TEKT3: variants seen among roughly 807,000 people sequenced by gnomAD.
TEKT3 encodes the protein tektin-3.
TEKT3 carries 49 observed loss-of-function variants against 49.8 expected under a neutral mutation model. That is an observed-to-expected ratio of 0.98 (90% CI 0.78 to 1.25). The LOEUF is 1.25. Ranked by LOEUF, TEKT3 falls within the 50% of genes most tolerant of loss-of-function variation. The pLI is 0.00. For missense variants in TEKT3, 595 were observed against 629.5 expected, an observed-to-expected ratio of 0.95 and a Z score of 0.59; for synonymous variants, 225 against 237.2, an observed-to-expected ratio of 0.95 and a Z score of 0.47.
At position 15,304,198 on chromosome 17, in the gene TEKT3, C is replaced by T. The variant is rs11867189; in HGVS notation, c.1257-46G>A. ...CATGGTTAGGTCAGCATGTAGCTTA[C>T]GCAACTCCAAGTACATCACATTGTA... On this transcript the variant is annotated intron_variant, in intron 8 of 8. Coordinates refer to ENST00000395930, the MANE Select transcript of TEKT3 (RefSeq NM_031898.3). This position sits in a 1 kb window ranked among gnomAD's most constrained non-coding sequence, Gnocchi z 4.7. 14,590 of 1,592,986 alleles carry T rather than the reference C, an allele frequency of 9.2e-3. 947 individuals carry two copies. In the African/African-American group the frequency reaches 0.15, roughly 17 times the overall value.
At chr17:15,337,858 A>C (rs1912054257) in intron 2 of TEKT3, among the ~76,000 whole-genome samples, 1 of 152,198 alleles carries the variant, frequency 6.6e-6, no homozygotes. Flanking sequence ...AAGAAAAAAG[A>C]AATAAATAAA....
At chr17:15,338,570 G>C (rs1188592466) in intron 2 of TEKT3, 1 of 145,338 alleles carries the variant, frequency 6.9e-6, no homozygotes. Flanking sequence ...GTGGCGCCAA[G>C]ATGGCGCCAC....
intron 3 of TEKT3, 148 bp from the exon 4 acceptor site, chr17:15,328,223 T>G: frequency 1.6e-6 from 1 of 629,830 alleles, no homozygotes; most frequent in Non-Finnish European, 2.8e-6. Flanking sequence ...TGAAACAGAC[T>G]GTAACAACTA....
At chr17:15,326,789 T>A (rs1009510643) in intron 4 of TEKT3, among the ~76,000 whole-genome samples, 1 of 152,178 alleles carries the variant, frequency 6.6e-6, no homozygotes, top group Non-Finnish European at 1.5e-5. Context: ...TCCAGGTACA[T>A]GATACTTGAA....
intron 2 of TEKT3, among the ~76,000 whole-genome samples, chr17:15,337,587 T>C (rs556625461): frequency 3.0e-4 from 45 of 152,330 alleles, no homozygotes; most frequent in African/African-American, 1.1e-3. Flanking sequence ...CTCACGCCTG[T>C]AATCCCAGCA....
chr17:15,304,099 C>T lies in TEKT3; in HGVS notation c.1310G>A (p.Arg437His), dbSNP rs1179637579. 3.1e-6 allele frequency: 5 copies of T among 1,614,032 alleles called. No individual in the cohort carries two copies. Among genetic ancestry groups the T allele is most frequent in the Non-Finnish European group, 4.2e-6 (5 of 1,180,042 alleles). ...VDDTIQTLQQ[R>H]LRDAEDTLQS... ...CAGGGTGTCCTCTGCATCCCTCAGG[C>T]GCTGCTGCAGGGTCTGGATGGTGTC... The change falls in exon 9 of 9, where the codon CGC becomes CAC. Residue 437 changes from arginine to histidine, a missense_variant. Physicochemically the swap from Arg to His is conservative, Grantham distance 29. Coordinates refer to ENST00000395930, the MANE Select transcript of TEKT3 (RefSeq NM_031898.3). The surrounding 1 kb of genome is among the most constrained non-coding windows in gnomAD (Gnocchi z 4.7).
Position 15,318,973 on chromosome 17 carries a change from C to CTG in TEKT3, c.734+102_734+103dup. On this transcript the variant is annotated intron_variant, in intron 5 of 8. Transcript: ENST00000395930. ...TTTGAATAAAAATATGTGTATATGC[C>CTG]TGTGTGTGTGTCCTTATAAGAAATT... 4.7e-6 allele frequency: 4 copies of CTG among 851,096 alleles called. No individual in the cohort carries two copies. In the South Asian group the frequency reaches 5.7e-5, roughly 12 times the overall value. The allele number at this position is 851,096 out of a possible 1,614,324, so 52.7% of individuals were successfully genotyped here. A position where few individuals can be genotyped will look rare whatever the true frequency, so the allele number is the denominator to read the frequency against.
intron 5 of TEKT3, among the ~76,000 whole-genome samples, chr17:15,317,971 G>A (rs1353563415): frequency 6.8e-6 from 1 of 147,810 alleles, no homozygotes; most frequent in Admixed American, 6.9e-5. Flanking sequence ...TGCAGAGGTC[G>A]GATCTCTTTT....
chr17:15,316,521 G>A (rs1190786107), intron 5 of TEKT3, among the ~76,000 whole-genome samples: 3 of 152,202 alleles, frequency 2.0e-5, no homozygotes, highest in Non-Finnish European at 4.4e-5. Context: ...TACAATGTGC[G>A]GTGCTCCAGT....
At chr17:15,312,696 G>C (rs1286284671) in intron 6 of TEKT3, among the ~76,000 whole-genome samples, 2 of 152,168 alleles carry the variant, frequency 1.3e-5, no homozygotes, top group Non-Finnish European at 2.9e-5. Context: ...TAAAGCGTAA[G>C]CTGGTTCTTC....
chr17:15,305,025 T>A (rs1910485719), intron 8 of TEKT3, among the ~76,000 whole-genome samples: 1 of 152,196 alleles, frequency 6.6e-6, no homozygotes, highest in South Asian at 2.1e-4. Flanking sequence ...CAGCCGCTCC[T>A]GCAAAAATAC....
In TEKT3 at chr17:15,304,036, T is replaced by G. The variant is rs1272303381; in HGVS notation, c.1373A>C (p.Asp458Ala). 3.1e-6 allele frequency: 5 copies of G among 1,614,112 alleles called. No homozygotes were observed. The highest frequency in any genetic ancestry group is 4.2e-6 in the Non-Finnish European group (5 of 1,180,028). The change falls in exon 9 of 9, where the codon GAC (aspartate) becomes GCC (alanine). Residue 458 changes from aspartate to alanine, a missense_variant. By Grantham distance (126) the Asp-to-Ala change is moderately radical. Transcript: ENST00000395930. This position sits in a 1 kb window ranked among gnomAD's most constrained non-coding sequence, Gnocchi z 4.7. ...CAGGGAATTGGCTTTGACAGCCAGGTCATACTCGAGTGTGGCTTTGATGTG... is the reference window on the plus strand; with the variant it reads ...CAGGGAATTGGCTTTGACAGCCAGGGCATACTCGAGTGTGGCTTTGATGTG... Reference protein sequence around the residue: ...LVHIKATLEYDLAVKANSLYI... With the variant: ...LVHIKATLEYALAVKANSLYI...
At chr17:15,308,904 T>C in intron 7 of TEKT3, 86 bp from the exon 8 acceptor site, 2 of 1,513,028 alleles carry the variant, frequency 1.3e-6, no homozygotes, top group Non-Finnish European at 1.8e-6. Flanking sequence ...CCACTCCATG[T>C]CCAGCACGTG....
rs768874980 is a variant in TEKT3, at chr17:15,331,597, A to C, written c.-12T>G. 1.9e-6 allele frequency: 3 copies of C among 1,593,512 alleles called. No homozygotes were observed. Among genetic ancestry groups the C allele is most frequent in the Non-Finnish European group, 2.6e-6 (3 of 1,168,658 alleles). On this transcript the variant is annotated 5_prime_UTR_variant, in exon 3 of 9. Transcript: ENST00000395930. ...CCTACACGTTCCATGATGCCAAAAC[A>C]CTATTTGTAAATCTCTCCTGTTAAA...
chr17:15,308,866 A>G, intron 7 of TEKT3, 48 bp from the exon 8 acceptor site: 22 of 1,594,456 alleles, frequency 1.4e-5, no homozygotes, highest in Non-Finnish European at 1.7e-5. Context: ...TGGTCCCTTC[A>G]ACAACCCGCC....
chr17:15,321,202 G>A (rs1282353598), intron 4 of TEKT3, among the ~76,000 whole-genome samples: 1 of 151,844 alleles, frequency 6.6e-6, no homozygotes, highest in Non-Finnish European at 1.5e-5. Flanking sequence ...GTAGAGATGG[G>A]GTTTCACCAT....
rs192416888 is a variant in TEKT3 at position 15,321,097 on chromosome 17, C to T, written c.664-1950G>A. 1.9e-3 allele frequency among the ~76,000 whole-genome samples: 290 copies of T among 151,700 alleles called. 1 individual carries two copies. Among genetic ancestry groups the T allele is most frequent in the African/African-American group, 6.8e-3 (282 of 41,304 alleles). ...CGATCTCGGCTCACTGCAAGCTCCA[C>T]CCCCCGGGTTCACGCCATTCTCCTG... On this transcript the variant is annotated intron_variant, in intron 4 of 8. Coordinates refer to ENST00000395930, the MANE Select transcript of TEKT3 (RefSeq NM_031898.3).
intron 4 of TEKT3, among the ~76,000 whole-genome samples, chr17:15,323,344 A>T (rs1911345561): frequency 6.6e-6 from 1 of 152,188 alleles, no homozygotes; most frequent in Admixed American, 6.5e-5. Context: ...CCAGAGCCCC[A>T]GCCTGAGTTC....
At chr17:15,323,528 A>G (rs1262556071) in intron 4 of TEKT3, among the ~76,000 whole-genome samples, 2 of 152,238 alleles carry the variant, frequency 1.3e-5, no homozygotes, top group Non-Finnish European at 2.9e-5. Context: ...GAATTTATCA[A>G]TTATCACCGA....
Sources: gnomAD v4.1 joint callset for allele counts (sites outside exome capture counted in the v4.1 genomes callset) on GRCh38, gnomAD v4.1.1 for gene constraint, Gnocchi (gnomAD v3.1) non-coding constraint, MANE v1.5 for transcripts, NCBI Gene and HGNC (gene_info 2026-07-23, HGNC 2026-07-21) for gene names.